Variants in GRID1 observed in about 807,000 individuals in gnomAD.
GRID1 encodes the protein glutamate receptor ionotropic, delta-1.
Under a neutral mutation model 98.0 loss-of-function variants are expected in GRID1, and 28 were observed. The ratio of observed to expected loss-of-function variants is 0.29; its 90% CI spans 0.21 to 0.39. GRID1 has a LOEUF of 0.39. Among genes scored for constraint, GRID1 ranks in the 10% least tolerant of loss-of-function variants. The pLI is 1.00. For synonymous variants in GRID1, 553 were observed against 538.5 expected, an observed-to-expected ratio of 1.03 and a Z score of -0.37; for missense variants, 1,111 against 1,340.5, an observed-to-expected ratio of 0.83 and a Z score of 2.67.
intron 2 of GRID1, among the ~76,000 whole-genome samples, chr10:86,316,065 G>A (rs79913613): frequency 0.059 from 8,944 of 152,206 alleles, 813 homozygotes; most frequent in East Asian, 0.48. Context: ...ATGAGACAGA[G>A]CAAGACCATC....
At chr10:85,915,663 C>T (rs1321305771) in intron 5 of GRID1, among the ~76,000 whole-genome samples, 1 of 151,906 alleles carries the variant, frequency 6.6e-6, no homozygotes, top group African/African-American at 2.4e-5. Flanking sequence ...CACCACACAA[C>T]TCATACACAA....
chr10:86,048,087 C>G (rs1322522918), intron 4 of GRID1, among the ~76,000 whole-genome samples: 1 of 152,146 alleles, frequency 6.6e-6, no homozygotes, highest in Non-Finnish European at 1.5e-5. Context: ...AACATGTGTT[C>G]ATTTTCCTCA....
intron 12 of GRID1, among the ~76,000 whole-genome samples, chr10:85,665,993 C>T (rs767164338): frequency 1.3e-5 from 2 of 152,226 alleles, no homozygotes; most frequent in Admixed American, 6.5e-5. Context: ...GAGGTCAAGG[C>T]ACTTATTCTG....
chr10:85,812,752 C>G (rs1405872139), intron 8 of GRID1, among the ~76,000 whole-genome samples: 1 of 150,960 alleles, frequency 6.6e-6, no homozygotes, highest in Non-Finnish European at 1.5e-5. Context: ...CTCTCTCTCT[C>G]CCTCCCCCCA....
intron 4 of GRID1, among the ~76,000 whole-genome samples, chr10:86,085,168 G>C (rs1452022479): frequency 1.3e-5 from 2 of 152,204 alleles, no homozygotes; most frequent in African/African-American, 2.4e-5. Context: ...TGGGAGGGCA[G>C]AGACACCTAC....
intron 4 of GRID1, among the ~76,000 whole-genome samples, chr10:86,112,106 A>G (rs1844496560): frequency 1.3e-5 from 2 of 152,194 alleles, no homozygotes; most frequent in African/African-American, 4.8e-5. Context: ...TCAACACAGG[A>G]GTTGTCCAAG....
intron 12 of GRID1, among the ~76,000 whole-genome samples, chr10:85,669,372 G>A (rs1841060204): frequency 6.6e-6 from 1 of 152,230 alleles, no homozygotes; most frequent in Admixed American, 6.5e-5. Flanking sequence ...TCACAGAGGA[G>A]TGAACTGGGA....
intron 2 of GRID1, among the ~76,000 whole-genome samples, chr10:86,361,043 G>A (rs1168878125): frequency 2.0e-5 from 3 of 152,160 alleles, no homozygotes; most frequent in Non-Finnish European, 4.4e-5. Flanking sequence ...TACTCAACCT[G>A]TATCGACAAC....
At chr10:86,118,947 G>T (rs1330082201) in intron 4 of GRID1, among the ~76,000 whole-genome samples, 1 of 152,176 alleles carries the variant, frequency 6.6e-6, no homozygotes, top group Non-Finnish European at 1.5e-5. Context: ...TCACATCCAA[G>T]AGGTGCCTAA....
At chr10:85,778,978 G>A (rs945402239) in intron 8 of GRID1, among the ~76,000 whole-genome samples, 2 of 152,206 alleles carry the variant, frequency 1.3e-5, no homozygotes, top group African/African-American at 4.8e-5. Context: ...TGAAGGAGAA[G>A]AAAGCAGCTA....
intron 8 of GRID1, among the ~76,000 whole-genome samples, chr10:85,777,227 G>A (rs572998084): frequency 6.6e-6 from 1 of 152,188 alleles, no homozygotes; most frequent in East Asian, 1.9e-4. Context: ...ATTAGCAGTG[G>A]GCAAAGGCCA....
chr10:85,719,158 G>A (rs551712193), intron 12 of GRID1, among the ~76,000 whole-genome samples: 20 of 152,086 alleles, frequency 1.3e-4, no homozygotes, highest in South Asian at 4.1e-4. Context: ...ATCTCCACTT[G>A]AGACCACCTC....
At chr10:86,328,851 G>A (rs1380715618) in intron 2 of GRID1, among the ~76,000 whole-genome samples, 1 of 151,998 alleles carries the variant, frequency 6.6e-6, no homozygotes, top group African/African-American at 2.4e-5. Flanking sequence ...TCTGCATGAG[G>A]CCCTTTAGCT....
intron 4 of GRID1, among the ~76,000 whole-genome samples, chr10:86,074,393 T>C (rs1843850712): frequency 6.6e-6 from 1 of 152,190 alleles, no homozygotes. Flanking sequence ...ATGTTTTCAT[T>C]CCCACATATA....
At chr10:85,908,208 G>C (rs187197587) in intron 5 of GRID1, among the ~76,000 whole-genome samples, 1 of 152,100 alleles carries the variant, frequency 6.6e-6, no homozygotes, top group South Asian at 2.1e-4. Context: ...GAAATACAAG[G>C]TATCCAGATG....
intron 13 of GRID1, among the ~76,000 whole-genome samples, chr10:85,637,455 A>AG (rs1159903953): frequency 6.6e-6 from 1 of 152,230 alleles, no homozygotes; most frequent in Non-Finnish European, 1.5e-5. Flanking sequence ...CAAGGCCTAT[A>AG]GAACTCAGGA....
chr10:85,786,998 C>G (rs1405455775), intron 8 of GRID1, among the ~76,000 whole-genome samples: 1 of 152,216 alleles, frequency 6.6e-6, no homozygotes, highest in Admixed American at 6.5e-5. Flanking sequence ...GGGGCTTGCC[C>G]CAGGGCTCCC....
chr10:85,832,483 T>G (rs574830342), intron 8 of GRID1, among the ~76,000 whole-genome samples: 5 of 152,278 alleles, frequency 3.3e-5, no homozygotes, highest in African/African-American at 1.2e-4. Flanking sequence ...TTACTAAGCA[T>G]AATTTGAGCA....
At chr10:86,189,339 G>A (rs570522522) in intron 3 of GRID1, among the ~76,000 whole-genome samples, 14 of 151,920 alleles carry the variant, frequency 9.2e-5, no homozygotes, top group Admixed American at 3.9e-4. Flanking sequence ...TCCAACTCCC[G>A]TCACTTCCTG....
Sources: gnomAD v4.1 joint callset for allele counts (sites outside exome capture counted in the v4.1 genomes callset) on GRCh38, gnomAD v4.1.1 for gene constraint, MANE v1.5 for transcripts, NCBI Gene and HGNC (gene_info 2026-07-23, HGNC 2026-07-21) for gene names.